Variants in GMEB1 observed in about 807,000 individuals in gnomAD.
GMEB1 encodes glucocorticoid modulatory element binding protein 1.
Under a neutral mutation model 52.4 loss-of-function variants are expected in GMEB1, and 6 were observed. That is an observed-to-expected ratio of 0.11 (90% CI 0.06 to 0.23). GMEB1 has a LOEUF of 0.23. GMEB1 is among the 10% of genes least tolerant of loss of function. The pLI is 1.00. For missense variants in GMEB1, 486 were observed against 685.6 expected (o/e 0.71, Z 3.25); for synonymous variants, 255 against 244.9 (o/e 1.04, Z -0.38).
chr1:28,693,641 C>T (rs1215641555), intron 5 of GMEB1, among the ~76,000 whole-genome samples: 7 of 152,024 alleles, frequency 4.6e-5, no homozygotes, highest in South Asian at 2.1e-4. Flanking sequence ...TTAGTAGAGA[C>T]GGGGTTTCAC....
At chr1:28,676,721 T>A (rs1262010591) in intron 1 of GMEB1, among the ~76,000 whole-genome samples, 1 of 125,342 alleles carries the variant, frequency 8.0e-6, no homozygotes, top group Non-Finnish European at 1.8e-5. Context: ...CAAGACTCCG[T>A]CTCAAAAAAA....
chr1:28,711,476 C>T (rs1350622521), intron 9 of GMEB1, among the ~76,000 whole-genome samples: 1 of 151,980 alleles, frequency 6.6e-6, no homozygotes, highest in Non-Finnish European at 1.5e-5. Flanking sequence ...GTTTTTGAGA[C>T]AGGGTCTCAC....
intron 5 of GMEB1, 46 bp from the exon 6 acceptor site, chr1:28,696,881 G>C: frequency 1.3e-6 from 2 of 1,485,314 alleles, no homozygotes; most frequent in South Asian, 1.3e-5. Flanking sequence ...GTTCCCACTA[G>C]ATGAAGTATA....
chr1:28,700,714 G>C (rs1670464002), intron 6 of GMEB1, among the ~76,000 whole-genome samples: 1 of 151,608 alleles, frequency 6.6e-6, no homozygotes, highest in Non-Finnish European at 1.5e-5. Context: ...CTTTTGGTCA[G>C]TTCTAATATT....
At chr1:28,682,864 C>G (rs1352027865) in intron 1 of GMEB1, among the ~76,000 whole-genome samples, 1 of 152,030 alleles carries the variant, frequency 6.6e-6, no homozygotes, top group African/African-American at 2.4e-5. Context: ...TGCTACAAAC[C>G]AACTCTCTGG....
chr1:28,682,000 G>A (rs553621484), intron 1 of GMEB1, among the ~76,000 whole-genome samples: 6 of 152,086 alleles, frequency 3.9e-5, no homozygotes, highest in African/African-American at 1.2e-4. Flanking sequence ...CACCACGCAC[G>A]GCCCTGACTA....
Position 28,710,662 on chromosome 1 carries a change from C to A in GMEB1, c.991+20C>A. On this transcript the variant is annotated intron_variant, in intron 9 of 9. Transcript: ENST00000373816. ...TGACAGGTATGTATAAGTTATCGCTCTTCTTCGGTGATATCATGCTAATAT... is the reference window on the plus strand; with the variant it reads ...TGACAGGTATGTATAAGTTATCGCTATTCTTCGGTGATATCATGCTAATAT... 1 of 1,497,870 alleles carries A rather than the reference C, an allele frequency of 6.7e-7. No individual in the cohort carries two copies. Among genetic ancestry groups the A allele is most frequent in the South Asian group, 1.4e-5 (1 of 70,368 alleles). 92.8% of individuals were successfully genotyped at this position (1,497,870 alleles called of 1,614,324 possible). A position where few individuals can be genotyped will look rare whatever the true frequency, so the allele number is the denominator to read the frequency against.
chr1:28,684,098 G>T (rs1669518638), intron 2 of GMEB1, among the ~76,000 whole-genome samples: 2 of 151,910 alleles, frequency 1.3e-5, no homozygotes, highest in Non-Finnish European at 2.9e-5. Context: ...CGAATTCCTG[G>T]GCTCAAAAGA....
At chr1:28,693,625 T>C (rs1670065452) in intron 5 of GMEB1, among the ~76,000 whole-genome samples, 1 of 151,460 alleles carries the variant, frequency 6.6e-6, no homozygotes, top group Admixed American at 6.6e-5. Flanking sequence ...CAAGCAATTG[T>C]AGTTTTTAGT....
At chr1:28,704,393 T>C in intron 8 of GMEB1, 64 bp downstream of exon 8, 6 of 1,378,910 alleles carry the variant, frequency 4.4e-6, no homozygotes, top group Non-Finnish European at 5.9e-6. Flanking sequence ...AGGCAGGTCC[T>C]GTAAGCCTTG....
chr1:28,712,601 A>G (rs1671107567), intron 9 of GMEB1, among the ~76,000 whole-genome samples: 1 of 152,028 alleles, frequency 6.6e-6, no homozygotes, highest in Non-Finnish European at 1.5e-5. Context: ...TGGGCGGATC[A>G]TGAGGTCAAG....
chr1:28,714,129 T>C lies in GMEB1; in HGVS notation c.1048T>C (p.Ser350Pro). ...GCAAGGCCAGGATCACAGGCTGAAA[T>C]CTCAGACAGTTCAAAATGTGGTACT... ...KKQGQDHRLK[S>P]QTVQNVVLMP... Residue 350 changes from serine (S) to proline (P), a missense_variant, in exon 10 of 10, where the codon TCT becomes CCT. By Grantham distance (74) the Ser-to-Pro change is moderately conservative. Coordinates refer to ENST00000373816, the MANE Select transcript of GMEB1 (RefSeq NM_001319674.2). 1 of 1,614,102 alleles carries C rather than the reference T, an allele frequency of 6.2e-7. No homozygotes were observed. Among genetic ancestry groups the C allele is most frequent in the Non-Finnish European group, 8.5e-7 (1 of 1,179,994 alleles).
At chr1:28,674,850 C>G (rs1669074017) in intron 1 of GMEB1, among the ~76,000 whole-genome samples, 1 of 139,792 alleles carries the variant, frequency 7.2e-6, no homozygotes, top group East Asian at 2.1e-4. Context: ...TCCCAAGTAG[C>G]TGGGACTACA....
At chr1:28,711,771 A>G (rs1228585757) in intron 9 of GMEB1, among the ~76,000 whole-genome samples, 2 of 152,172 alleles carry the variant, frequency 1.3e-5, no homozygotes, top group African/African-American at 2.4e-5. Context: ...GTATTTTTCA[A>G]GTTGCTACTC....
chr1:28,688,818 T>G (rs769274077), intron 2 of GMEB1, among the ~76,000 whole-genome samples: 6 of 152,136 alleles, frequency 3.9e-5, no homozygotes, highest in Non-Finnish European at 8.8e-5. Flanking sequence ...TACTACTTTT[T>G]AGTCTTTTCA....
chr1:28,684,712 G>A (rs553250009), intron 2 of GMEB1, among the ~76,000 whole-genome samples: 4 of 152,046 alleles, frequency 2.6e-5, no homozygotes, highest in Non-Finnish European at 5.9e-5. Flanking sequence ...ACACAGGGAG[G>A]GGAACAACAC....
intron 6 of GMEB1, among the ~76,000 whole-genome samples, chr1:28,701,717 C>T (rs1475775497): frequency 6.6e-6 from 1 of 152,014 alleles, no homozygotes; most frequent in Non-Finnish European, 1.5e-5. Context: ...TACAGATGTG[C>T]ACCACCACAC....
At chr1:28,695,325 T>C (rs558807387) in intron 5 of GMEB1, among the ~76,000 whole-genome samples, 6 of 151,598 alleles carry the variant, frequency 4.0e-5, no homozygotes, top group Non-Finnish European at 7.4e-5. Context: ...CTGTACCTCC[T>C]AGATTCAAGC....
At position 28,717,589 on chromosome 1, in the gene GMEB1, ATAGACT is replaced by A. The variant is rs1429000863; in HGVS notation, c.*2820_*2825del. The A allele has an allele frequency of 3.3e-5, 5 of 152,228 alleles. No individual in the cohort carries two copies. The highest frequency in any genetic ancestry group is 9.6e-5 in the African/African-American group (4 of 41,460). 9.4% of individuals were successfully genotyped at this position (152,228 alleles called of 1,614,324 possible). The stretch of plus-strand genomic sequence containing the variant: ...TTTATTTTTCTTTTCAAAATATCTA[ATAGACT>A]TAGCAATCAATTTAGAACAAATATT... On this transcript the variant is annotated 3_prime_UTR_variant, in exon 10 of 10. Coordinates refer to ENST00000373816, the MANE Select transcript of GMEB1 (RefSeq NM_001319674.2).
Sources: allele counts gnomAD v4.1 joint callset (sites outside exome capture counted in the v4.1 genomes callset), GRCh38; gene constraint gnomAD v4.1.1; transcripts MANE v1.5; gene names NCBI Gene and HGNC (gene_info 2026-07-23, HGNC 2026-07-21).